SPIDR: variants seen among roughly 807,000 people sequenced by gnomAD.
SPIDR encodes scaffold protein involved in DNA repair, also known as DNA repair-scaffolding protein.
SPIDR carries 93 observed loss-of-function variants against 104.6 expected under a neutral mutation model. That is an observed-to-expected ratio of 0.89 (90% CI 0.75 to 1.06). The LOEUF (loss-of-function observed/expected upper bound fraction) is 1.06. Ranked by LOEUF, SPIDR falls within the 50% of genes least tolerant of loss-of-function variation. SPIDR has a pLI of 0.00. For missense variants in SPIDR, 1,154 were observed against 1,111.2 expected, an observed-to-expected ratio of 1.04 and a Z score of -0.55; for synonymous variants, 431 against 416.9, an observed-to-expected ratio of 1.03 and a Z score of -0.41.
intron 9 of SPIDR, among the ~76,000 whole-genome samples, chr8:47,598,246 C>T (rs2061847759): frequency 6.6e-6 from 1 of 152,208 alleles, no homozygotes; most frequent in African/African-American, 2.4e-5. Context: ...GCCAGATGAC[C>T]TGGTTCAAAT....
chr8:47,638,312 A>T (rs1007386248), intron 10 of SPIDR, among the ~76,000 whole-genome samples: 11 of 152,012 alleles, frequency 7.2e-5, no homozygotes, highest in African/African-American at 2.7e-4. Flanking sequence ...AGTGCAATTT[A>T]TTTATTTATT....
chr8:47,497,133 GA>G (rs1425540350), intron 8 of SPIDR, among the ~76,000 whole-genome samples: 8 of 151,884 alleles, frequency 5.3e-5, no homozygotes, highest in Admixed American at 5.2e-4. Flanking sequence ...ATAGTTTGTT[GA>G]TTTTGTTGGT....
At chr8:47,450,361 A>T (rs1390361609) in intron 8 of SPIDR, among the ~76,000 whole-genome samples, 2 of 152,112 alleles carry the variant, frequency 1.3e-5, no homozygotes, top group African/African-American at 2.4e-5. Flanking sequence ...GCCCACTCCT[A>T]TGGTAATGAC....
chr8:47,595,217 A>G (rs2061509796), intron 8 of SPIDR, among the ~76,000 whole-genome samples: 2 of 152,148 alleles, frequency 1.3e-5, no homozygotes, highest in Admixed American at 6.5e-5. Context: ...GAAGTCCCAA[A>G]TTTTTAATAT....
chr8:47,348,513 A>G (rs1256622802), intron 5 of SPIDR, among the ~76,000 whole-genome samples: 5 of 152,164 alleles, frequency 3.3e-5, no homozygotes, highest in African/African-American at 9.7e-5. Context: ...AAGTTGGGGA[A>G]GTTTTCCTGG....
At chr8:47,394,828 T>G (rs930279218) in intron 5 of SPIDR, among the ~76,000 whole-genome samples, 1 of 152,252 alleles carries the variant, frequency 6.6e-6, no homozygotes, top group African/African-American at 2.4e-5. Flanking sequence ...TCACAATCTC[T>G]CTTGTGAGGC....
intron 8 of SPIDR, among the ~76,000 whole-genome samples, chr8:47,565,971 C>CATATATATATATATATATAT (rs1170408396): frequency 0.011 from 471 of 41,380 alleles, 42 homozygotes; most frequent in East Asian, 0.02. Flanking sequence ...TATTTATACT[C>CATATATATATATATATATAT]ATATATATAT....
intron 19 of SPIDR, chr8:47,729,666 A>T: frequency 1.7e-6 from 1 of 587,378 alleles, no homozygotes; most frequent in East Asian, 2.9e-5. Context: ...AAATGAGGTT[A>T]TTTTAGATCA....
intron 10 of SPIDR, chr8:47,660,959 A>G (rs1473062526): frequency 4.1e-6 from 4 of 985,304 alleles, no homozygotes; most frequent in South Asian, 9.4e-5. Context: ...AGATGCAGGC[A>G]CTTAACTGGG....
intron 10 of SPIDR, among the ~76,000 whole-genome samples, chr8:47,601,266 A>G (rs1313841317): frequency 6.6e-6 from 1 of 152,222 alleles, no homozygotes; most frequent in Non-Finnish European, 1.5e-5. Context: ...TCGAGGCTAG[A>G]CAATATTATT....
intron 16 of SPIDR, among the ~76,000 whole-genome samples, chr8:47,723,016 G>T (rs2083630285): frequency 6.6e-6 from 1 of 151,648 alleles, no homozygotes; most frequent in South Asian, 2.1e-4. Context: ...GTTAATTTTT[G>T]TTGTTGTTAT....
intron 8 of SPIDR, among the ~76,000 whole-genome samples, chr8:47,593,060 A>AT (rs1196691704): frequency 6.6e-6 from 1 of 151,486 alleles, no homozygotes; most frequent in Non-Finnish European, 1.5e-5. Flanking sequence ...CTAATTATGT[A>AT]TTTTTTAGTA....
At chr8:47,594,016 G>A (rs2061364039) in intron 8 of SPIDR, among the ~76,000 whole-genome samples, 1 of 151,740 alleles carries the variant, frequency 6.6e-6, no homozygotes, top group African/African-American at 2.4e-5. Flanking sequence ...AGGCCCCCAG[G>A]TAGTCTCTCC....
chr8:47,281,363 A>G (rs1193728769), intron 2 of SPIDR, among the ~76,000 whole-genome samples: 3 of 152,210 alleles, frequency 2.0e-5, no homozygotes, highest in African/African-American at 7.2e-5. Flanking sequence ...TATTCCTTTC[A>G]TGAAAGATTA....
At chr8:47,307,661 C>T (rs1316703752) in intron 5 of SPIDR, among the ~76,000 whole-genome samples, 1 of 151,038 alleles carries the variant, frequency 6.6e-6, no homozygotes, top group Admixed American at 6.6e-5. Flanking sequence ...GCCTCAGCCT[C>T]CCTAGTAGCT....
rs536670975 is a variant in SPIDR, at chr8:47,410,946, A to G, written c.877+2985A>G. ...GTCCTTGCGATAGTTTGCTGAGAAT[A>G]ATGGCTTCCAGCTTCATCCATGTCC... On this transcript the variant is annotated intron_variant, in intron 7 of 19. Coordinates refer to ENST00000297423, the MANE Select transcript of SPIDR (RefSeq NM_001080394.4). Among the ~76,000 whole-genome samples, 421 of 152,240 alleles carry G rather than the reference A, an allele frequency of 2.8e-3. 1 individual carries two copies. The highest frequency in any genetic ancestry group is 9.9e-3 in the African/African-American group (411 of 41,544).
At chr8:47,339,033 A>G (rs1282013642) in intron 5 of SPIDR, among the ~76,000 whole-genome samples, 3 of 152,232 alleles carry the variant, frequency 2.0e-5, no homozygotes, top group Non-Finnish European at 4.4e-5. Context: ...TTCATGAGCA[A>G]GAGGTCACTA....
chr8:47,382,602 G>A (rs889328323), intron 5 of SPIDR, among the ~76,000 whole-genome samples: 3 of 152,050 alleles, frequency 2.0e-5, no homozygotes, highest in Non-Finnish European at 2.9e-5. Context: ...TAGTAGAGAC[G>A]TGGTTTCACC....
At chr8:47,511,258 G>T (rs2082274110) in intron 8 of SPIDR, 6 of 1,579,488 alleles carry the variant, frequency 3.8e-6, no homozygotes, top group African/African-American at 1.3e-5. Context: ...TTGGATGTTT[G>T]TGGTAGTCTC....
Sources: allele counts gnomAD v4.1 joint callset (sites outside exome capture counted in the v4.1 genomes callset), GRCh38; gene constraint gnomAD v4.1.1; transcripts MANE v1.5; gene names NCBI Gene and HGNC (gene_info 2026-07-23, HGNC 2026-07-21).